SZT2: variants seen among roughly 807,000 people sequenced by gnomAD.
SZT2 encodes the protein SZT2 subunit of KICSTOR complex.
Under a neutral mutation model 404.2 loss-of-function variants are expected in SZT2, and 216 were observed. The ratio of observed to expected loss-of-function variants is 0.53; its 90% CI spans 0.48 to 0.60. The LOEUF is 0.60. SZT2 is among the 20% of genes least tolerant of loss of function. SZT2 has a pLI of 0.00. For missense variants in SZT2, 3,857 were observed against 4,459.2 expected (o/e 0.86, Z 3.85); for synonymous variants, 1,693 against 1,749.9 (o/e 0.97, Z 0.81).
Position 43,437,903 on chromosome 1 carries a change from G to T in SZT2, c.6508+1G>T. On this transcript the variant is annotated splice_donor_variant, in intron 46 of 71. Coordinates refer to ENST00000634258, the MANE Select transcript of SZT2 (RefSeq NM_001365999.1). LOFTEE classifies it high-confidence loss of function. This position sits in a 1 kb window ranked among gnomAD's most constrained non-coding sequence, Gnocchi z 5.3. ...CTGGTCCATGGTGTTGGGCAGGCAG[G>T]TAAGGTCTGAGGAGGGGGTAGGGGA... 3 of 1,614,154 alleles carry T rather than the reference G, an allele frequency of 1.9e-6. No individual in the cohort carries two copies. The highest frequency in any genetic ancestry group is 2.5e-6 in the Non-Finnish European group (3 of 1,180,040).
chr1:43,402,979 C>T (rs907648569), intron 1 of SZT2, among the ~76,000 whole-genome samples, 198 bp from the exon 2 acceptor site: 8 of 152,090 alleles, frequency 5.3e-5, no homozygotes, highest in African/African-American at 9.7e-5. Context: ...AGGTCTGTAT[C>T]GGGCAAACAG....
chr1:43,424,751 C>A lies in SZT2; in HGVS notation c.2472-33C>A. The A allele has an allele frequency of 6.3e-7, 1 of 1,590,800 alleles. No individual in the cohort carries two copies. Among genetic ancestry groups the A allele is most frequent in the South Asian group, 1.1e-5 (1 of 90,386 alleles). ...GTCTCAGTGTCTCTTCTTCCCTTAT[C>A]CTGGCCTTGCCCCGGCCTTTATGGG... On this transcript the variant is annotated intron_variant, in intron 16 of 71. Transcript: ENST00000634258. This position sits in a 1 kb window ranked among gnomAD's most constrained non-coding sequence, Gnocchi z 4.1.
chr1:43,439,540 G>A lies in SZT2; in HGVS notation c.6878-65G>A, dbSNP rs1654836681. 6.2e-7 allele frequency: 1 copy of A among 1,606,478 alleles called. No individual in the cohort carries two copies. The highest frequency in any genetic ancestry group is 8.5e-7 in the Non-Finnish European group (1 of 1,175,816). The stretch of plus-strand genomic sequence containing the variant: ...ACATTTCCCAGGCTTGCAGCTGAGT[G>A]GAGGGTCGTGGGAGGGGTGGTCTGC... On this transcript the variant is annotated intron_variant, in intron 49 of 71. Transcript: ENST00000634258. The surrounding 1 kb of genome is among the most constrained non-coding windows in gnomAD (Gnocchi z 4.2).
rs759329615 is a variant in SZT2 at position 43,430,307 on chromosome 1, C to G, written c.4402-4C>G. 2 of 1,613,668 alleles carry G rather than the reference C, an allele frequency of 1.2e-6. No individual in the cohort carries two copies. The highest frequency in any genetic ancestry group is 1.7e-5 in the Admixed American group (1 of 59,934). On this transcript the variant is annotated splice_polypyrimidine_tract_variant and splice_region_variant and intron_variant, in intron 30 of 71. Coordinates refer to ENST00000634258, the MANE Select transcript of SZT2 (RefSeq NM_001365999.1). ...TCATCATCTTGCTTCATTCTTTTGC[C>G]TAGGATGAGGGGCCTCGGGACACAG...
intron 42 of SZT2, chr1:43,436,277 C>CA (rs1654450269): frequency 6.6e-6 from 1 of 152,222 alleles, no homozygotes; most frequent in African/African-American, 2.4e-5. Flanking sequence ...ATGCATCTCT[C>CA]AGCACATCCT....
intron 67 of SZT2, 53 bp from the exon 68 acceptor site, chr1:43,447,796 G>T: frequency 6.2e-7 from 1 of 1,612,102 alleles, no homozygotes; most frequent in Non-Finnish European, 8.5e-7. Flanking sequence ...CAGGGGTGAG[G>T]TTTGTTTTAT....
chr1:43,441,415 A>G lies in SZT2; in HGVS notation c.7511+35A>G. On this transcript the variant is annotated intron_variant, in intron 53 of 71. Coordinates refer to ENST00000634258, the MANE Select transcript of SZT2 (RefSeq NM_001365999.1). This position sits in a 1 kb window ranked among gnomAD's most constrained non-coding sequence, Gnocchi z 4.8. The stretch of plus-strand genomic sequence containing the variant: ...TGGTGGTGGTGTGCCCTGGGAGGGT[A>G]TGGGTGTGAAGTCACAGATGGGCCT... 6.2e-7 allele frequency: 1 copy of G among 1,612,138 alleles called. No individual in the cohort carries two copies. The highest frequency in any genetic ancestry group is 8.5e-7 in the Non-Finnish European group (1 of 1,178,748).
At chr1:43,430,221 T>G in intron 30 of SZT2, 90 bp from the exon 31 acceptor site, 1 of 1,550,474 alleles carries the variant, frequency 6.4e-7, no homozygotes, top group Non-Finnish European at 8.9e-7. Flanking sequence ...TAGATCAAGC[T>G]GTCTAAGGCA....
Position 43,427,051 on chromosome 1 carries a change from TAC to T in SZT2, c.3310-3_3310-2del, listed in dbSNP as rs1653240767. ...ATTGCTCTAATTTCTGTTTTTCTCT[TAC>T]AGAGTGTAGGTCTTCCTGAAACTCT... On this transcript the variant is annotated splice_region_variant and splice_polypyrimidine_tract_variant and intron_variant, in intron 23 of 71. Transcript: ENST00000634258. 9.9e-6 allele frequency: 16 copies of T among 1,614,164 alleles called. No homozygotes were observed. The highest frequency in any genetic ancestry group is 1.4e-5 in the Non-Finnish European group (16 of 1,180,008).
chr1:43,404,295 C>G, intron 3 of SZT2, 85 bp from the exon 4 acceptor site: 6 of 1,172,954 alleles, frequency 5.1e-6, no homozygotes, highest in South Asian at 2.9e-5. Flanking sequence ...GTTAAGTGTC[C>G]TACTGACCCA....
Position 43,451,965 on chromosome 1 carries a change from G to T in SZT2, c.*1485G>T, listed in dbSNP as rs753810387. The T allele has an allele frequency of 2.0e-5, 33 of 1,612,048 alleles. No individual in the cohort carries two copies. The highest frequency in any genetic ancestry group is 2.6e-5 in the Non-Finnish European group (31 of 1,178,674). On this transcript the variant is annotated 3_prime_UTR_variant, in exon 72 of 72. Transcript: ENST00000634258. Reference sequence around the variant, plus strand: ...TGGGGCGTGTCCAGGAAGTACTGGGGGTCAGTGATGCGGGTGTTGATGGGC... The same window carrying T: ...TGGGGCGTGTCCAGGAAGTACTGGGTGTCAGTGATGCGGGTGTTGATGGGC...
Position 43,420,005 on chromosome 1 carries a change from T to G in SZT2, c.1090+61T>G. 6.3e-7 allele frequency: 1 copy of G among 1,581,564 alleles called. No individual in the cohort carries two copies. The highest frequency in any genetic ancestry group is 8.6e-7 in the Non-Finnish European group (1 of 1,166,364). ...GAATATAGAATGGGCCCAGAGATGA[T>G]GGGGCCCTGGAGGACTGAAAGTGTA... On this transcript the variant is annotated intron_variant, in intron 8 of 71. Coordinates refer to ENST00000634258, the MANE Select transcript of SZT2 (RefSeq NM_001365999.1). The surrounding 1 kb of genome is among the most constrained non-coding windows in gnomAD (Gnocchi z 5.1).
At position 43,439,782 on chromosome 1, in the gene SZT2, G is replaced by A. The variant is rs558686378; in HGVS notation, c.7042+13G>A. On this transcript the variant is annotated intron_variant, in intron 50 of 71. Transcript: ENST00000634258. The surrounding 1 kb of genome is among the most constrained non-coding windows in gnomAD (Gnocchi z 4.2). ...GACAGTTCTTCAGGTGGGACAGCTT[G>A]GTCAGAGGATGAGGTGTTCAGTTAT... 60 of 1,575,814 alleles carry A rather than the reference G, an allele frequency of 3.8e-5. No homozygotes were observed. In the South Asian group the frequency reaches 5.8e-4, roughly 15 times the overall value.
At chr1:43,405,717 C>T (rs991487438) in intron 4 of SZT2, 1 of 152,186 alleles carries the variant, frequency 6.6e-6, no homozygotes, top group Non-Finnish European at 1.5e-5. Context: ...CTAGTATAGC[C>T]GTTAGGACTA....
At chr1:43,440,085 G>A (rs1370869587) in intron 51 of SZT2, 37 bp downstream of exon 51, 1 of 1,612,638 alleles carries the variant, frequency 6.2e-7, no homozygotes, top group African/African-American at 1.3e-5. Context: ...TCCAGAGAAT[G>A]TCACAGATCC....
chr1:43,396,648 A>AT (rs1167156183), intron 1 of SZT2, among the ~76,000 whole-genome samples: 3 of 152,228 alleles, frequency 2.0e-5, no homozygotes, highest in African/African-American at 7.2e-5. Context: ...TTCACACATC[A>AT]TTGGGCTAGC....
At position 43,450,423 on chromosome 1, in the gene SZT2, C is replaced by T. The variant is rs201115936; in HGVS notation, c.10242C>T (p.His3414=). 3 of 1,614,116 alleles carry T rather than the reference C, an allele frequency of 1.9e-6. No individual in the cohort carries two copies. Among genetic ancestry groups the T allele is most frequent in the East Asian group, 4.5e-5 (2 of 44,868 alleles). The stretch of plus-strand genomic sequence containing the variant: ...CTGCCCAACTGGTCTCCACCTACCA[C>T]CACCTGGAGTCTGTCATCAACACAG... ...SPPAQLVSTY[H]HLESVINTAC... Residue 3414 remains histidine (H), a synonymous_variant, in exon 72 of 72, where the codon CAC becomes CAT. Coordinates refer to ENST00000634258, the MANE Select transcript of SZT2 (RefSeq NM_001365999.1). This position sits in a 1 kb window ranked among gnomAD's most constrained non-coding sequence, Gnocchi z 4.3.
intron 51 of SZT2, 44 bp from the exon 52 acceptor site, chr1:43,440,408 GA>G (rs758576552): frequency 6.5e-7 from 1 of 1,528,744 alleles, no homozygotes; most frequent in South Asian, 1.3e-5. Context: ...CTAGAATGGG[GA>G]TTGATGATCA....
Position 43,453,680 on chromosome 1 carries a change from G to A in SZT2, c.*3200G>A, listed in dbSNP as rs571522183. ...CCTCAGGCGTCTCCGCGTACGGCCA[G>A]GCCACCTCGACGGCCTCGAAGCCCG... On this transcript the variant is annotated 3_prime_UTR_variant, in exon 72 of 72. Transcript: ENST00000634258. 2.0e-6 allele frequency: 3 copies of A among 1,463,860 alleles called. No individual in the cohort carries two copies. Among genetic ancestry groups the A allele is most frequent in the African/African-American group, 3.0e-5 (2 of 67,334 alleles). 90.7% of individuals were successfully genotyped at this position (1,463,860 alleles called of 1,614,324 possible).
Sources: allele counts gnomAD v4.1 joint callset (sites outside exome capture counted in the v4.1 genomes callset), GRCh38; gene constraint gnomAD v4.1.1; non-coding constraint Gnocchi (gnomAD v3.1); transcripts MANE v1.5; gene names NCBI Gene and HGNC (gene_info 2026-07-23, HGNC 2026-07-21).